Variants in TAF8 observed in about 807,000 individuals in gnomAD.
TAF8 encodes transcription initiation factor TFIID subunit 8.
TAF8 carries 47 observed loss-of-function variants against 36.5 expected under a neutral mutation model. That is an observed-to-expected ratio of 1.29 (90% CI 1.02 to 1.64). The LOEUF (loss-of-function observed/expected upper bound fraction) is 1.64. Among genes scored for constraint, TAF8 ranks in the 40% most tolerant of loss-of-function variants. TAF8 has a pLI of 0.00. For synonymous variants in TAF8, 175 were observed against 159.5 expected, an observed-to-expected ratio of 1.10 and a Z score of -0.73; for missense variants, 420 against 407.6, an observed-to-expected ratio of 1.03 and a Z score of -0.26.
downstream of TAF8, among the ~76,000 whole-genome samples, chr6:42,086,153 G>T (rs923028877): frequency 2.0e-5 from 3 of 152,170 alleles, no homozygotes; most frequent in Non-Finnish European, 2.9e-5. Flanking sequence ...CTAGTACTTT[G>T]TTGGAGCAGC....
At chr6:42,073,607 T>C (rs944424652) in intron 7 of TAF8, among the ~76,000 whole-genome samples, 3 of 152,042 alleles carry the variant, frequency 2.0e-5, no homozygotes, top group African/African-American at 7.2e-5. Flanking sequence ...GCCATGTGGA[T>C]ATCTGGGGAA....
intron 7 of TAF8, among the ~76,000 whole-genome samples, chr6:42,074,500 CT>C (rs918865095): frequency 2.0e-5 from 3 of 152,002 alleles, no homozygotes; most frequent in African/African-American, 7.2e-5. Context: ...TCTGCTCCCA[CT>C]TTTTTTTACA....
chr6:42,054,381 G>A (rs1055992881), intron 2 of TAF8, among the ~76,000 whole-genome samples: 1 of 152,126 alleles, frequency 6.6e-6, no homozygotes, highest in South Asian at 2.1e-4. Flanking sequence ...CAATTCAGTG[G>A]TATTAAGTAC....
rs376399735 is a variant in TAF8, at chr6:42,051,432, G to C, written c.121G>C (p.Val41Leu). The C allele has an allele frequency of 1.9e-6, 3 of 1,614,036 alleles. No homozygotes were observed. In the African/African-American group the frequency reaches 4.0e-5, roughly 22 times the overall value. ...LARRRTLQVV[V>L]SSLLTEAGFE... Reference sequence around the variant, plus strand: ...CCGGAGGAGAACCCTGCAGGTGGTTGTGAGCTCCTTGCTGACAGAGGCAGG... The same window carrying C: ...CCGGAGGAGAACCCTGCAGGTGGTTCTGAGCTCCTTGCTGACAGAGGCAGG... The change falls in exon 2 of 9, where the codon GTG (valine) becomes CTG (leucine). Residue 41 changes from valine to leucine, a missense_variant. Physicochemically the swap from Val to Leu is conservative, Grantham distance 32. Coordinates refer to ENST00000372977, the MANE Select transcript of TAF8 (RefSeq NM_138572.3).
intron 5 of TAF8, 129 bp from the exon 6 acceptor site, chr6:42,066,183 G>T: frequency 8.7e-7 from 1 of 1,153,452 alleles, no homozygotes. Context: ...TTACAGGTGT[G>T]AGCCACTGTG....
chr6:42,074,603 C>T (rs1174228746), intron 7 of TAF8, among the ~76,000 whole-genome samples: 2 of 152,170 alleles, frequency 1.3e-5, no homozygotes, highest in East Asian at 3.9e-4. Flanking sequence ...GGCACAATCT[C>T]GGCTCACTGC....
chr6:42,077,386 T>C, intron 8 of TAF8, 147 bp downstream of exon 8: 1 of 1,515,982 alleles, frequency 6.6e-7, no homozygotes, highest in Admixed American at 2.2e-5. Context: ...CTGTCCTTAC[T>C]TGGCTCCCGT....
At chr6:42,067,739 A>G (rs780646250) in intron 6 of TAF8, among the ~76,000 whole-genome samples, 8 of 150,548 alleles carry the variant, frequency 5.3e-5, no homozygotes, top group Admixed American at 2.0e-4. Context: ...GGCTAATTTT[A>G]TTTTTCCTAG....
intron 5 of TAF8, among the ~76,000 whole-genome samples, chr6:42,064,065 A>G (rs976878964): frequency 2.0e-5 from 3 of 152,198 alleles, no homozygotes; most frequent in African/African-American, 7.2e-5. Flanking sequence ...TTAATAAATC[A>G]TAAAACTAAT....
intron 7 of TAF8, among the ~76,000 whole-genome samples, chr6:42,076,575 C>T (rs1316842576): frequency 6.6e-6 from 1 of 152,198 alleles, no homozygotes; most frequent in Non-Finnish European, 1.5e-5. Flanking sequence ...AAGTTTCTAG[C>T]CTGTGCTGGG....
downstream of TAF8, chr6:42,083,284 G>A (rs912507922): frequency 5.3e-5 from 8 of 152,360 alleles, no homozygotes; most frequent in African/African-American, 1.9e-4. Context: ...CTGCATGGTT[G>A]TTGTATAGTT....
rs768457784 is a variant in TAF8 at position 42,051,384 on chromosome 6, C to T, written c.73C>T (p.Pro25Ser). Reference sequence around the variant, plus strand: ...ATCGGGAAGTAAACAGTCCACTAACCCTGCCGATAACTATCATCTGGCCCG... The same window carrying T: ...ATCGGGAAGTAAACAGTCCACTAACTCTGCCGATAACTATCATCTGGCCCG... ...TRSGSKQSTN[P>S]ADNYHLARRR... is the part of the protein sequence containing the mutation. The change falls in exon 2 of 9, where the codon CCT becomes TCT. Residue 25 changes from proline to serine, a missense_variant. By Grantham distance (74) the Pro-to-Ser change is moderately conservative. Coordinates refer to ENST00000372977, the MANE Select transcript of TAF8 (RefSeq NM_138572.3). 8 of 1,613,942 alleles carry T rather than the reference C, an allele frequency of 5.0e-6. No individual in the cohort carries two copies. In the African/African-American group the frequency reaches 9.3e-5, roughly 19 times the overall value.
chr6:42,080,373 C>CTTTTT lies in TAF8; in HGVS notation c.*2840_*2844dup, dbSNP rs751949509. On this transcript the variant is annotated 3_prime_UTR_variant, in exon 9 of 9. Coordinates refer to ENST00000372977, the MANE Select transcript of TAF8 (RefSeq NM_138572.3). ...AGGCTATACTCTTTTTTTTTCTTTTCTTTTTTTTTTTTTTTTGAGACGGCA... is the reference window on the plus strand; with the variant it reads ...AGGCTATACTCTTTTTTTTTCTTTTCTTTTTTTTTTTTTTTTTTTTTGAGACGGCA... 3 of 758,830 alleles carry CTTTTT rather than the reference C, an allele frequency of 4.0e-6. No homozygotes were observed. The highest frequency in any genetic ancestry group is 3.0e-6 in the Non-Finnish European group (2 of 664,444). 47.0% of individuals were successfully genotyped at this position (758,830 alleles called of 1,614,324 possible).
chr6:42,062,104 A>G (rs1765210586), intron 5 of TAF8, among the ~76,000 whole-genome samples: 1 of 152,144 alleles, frequency 6.6e-6, no homozygotes, highest in Non-Finnish European at 1.5e-5. Flanking sequence ...CCCTTTCATT[A>G]TCTTTTAACA....
At chr6:42,060,984 C>G (rs1004669993) in intron 5 of TAF8, among the ~76,000 whole-genome samples, 3 of 152,140 alleles carry the variant, frequency 2.0e-5, no homozygotes, top group Admixed American at 6.5e-5. Flanking sequence ...ACTCTGAAAA[C>G]AAAAGGTTTA....
At chr6:42,051,028 GTTTT>G (rs1194875964) in intron 1 of TAF8, 1 of 1,083,566 alleles carries the variant, frequency 9.2e-7, no homozygotes, top group Non-Finnish European at 1.1e-6. Context: ...GAGGGATCCT[GTTTT>G]TTCTGCGGGA....
chr6:42,080,575 C>A lies in TAF8; in HGVS notation c.*3030C>A. 1.8e-6 allele frequency: 1 copy of A among 548,484 alleles called. No individual in the cohort carries two copies. Among genetic ancestry groups the A allele is most frequent in the Non-Finnish European group, 2.3e-6 (1 of 431,428 alleles). The allele number at this position is 548,484 out of a possible 1,614,324, so 34.0% of individuals were successfully genotyped here. On this transcript the variant is annotated 3_prime_UTR_variant, in exon 9 of 9. Transcript: ENST00000372977. ...ATTTTTGGTAGAGACGGGGTTTCAC[C>A]AGGTTGGCCAGGGTGGTCTCGAACA...
At chr6:42,070,008 A>G (rs915396285) in intron 7 of TAF8, among the ~76,000 whole-genome samples, 6 of 152,172 alleles carry the variant, frequency 3.9e-5, no homozygotes, top group Non-Finnish European at 5.9e-5. Context: ...GAATTCAACC[A>G]TTAGATCTGG....
intron 7 of TAF8, among the ~76,000 whole-genome samples, chr6:42,071,809 CA>C (rs1765589893): frequency 6.6e-6 from 1 of 152,104 alleles, no homozygotes; most frequent in Non-Finnish European, 1.5e-5. Flanking sequence ...ATCATGTAAA[CA>C]AACGTCATCA....
Sources: allele counts gnomAD v4.1 joint callset (sites outside exome capture counted in the v4.1 genomes callset), GRCh38; gene constraint gnomAD v4.1.1; transcripts MANE v1.5; gene names NCBI Gene and HGNC (gene_info 2026-07-23, HGNC 2026-07-21).